The following EPHA4 variants were observed in gnomAD, a reference collection of about 807,000 sequenced individuals.
EPHA4 encodes the protein ephrin type-A receptor 4.
A neutral mutation model predicts 108.3 loss-of-function variants in EPHA4; 19 were observed. The observed-to-expected ratio is 0.18, with a 90% CI of 0.12 to 0.26. The LOEUF (loss-of-function observed/expected upper bound fraction) is 0.26, where lower values mean the gene tolerates loss of function less well. EPHA4 is among the 10% of genes least tolerant of loss of function. The pLI is 1.00. For missense variants in EPHA4, 917 were observed against 1,254.0 expected (o/e 0.73, Z 4.06); for synonymous variants, 449 against 455.5 (o/e 0.99, Z 0.18).
intron 4 of EPHA4, among the ~76,000 whole-genome samples, chr2:221,489,572 T>C (rs774262728): frequency 1.3e-5 from 2 of 152,114 alleles, no homozygotes; most frequent in Non-Finnish European, 2.9e-5. Flanking sequence ...AATCCTCCCT[T>C]TCCCTGTCCC....
At chr2:221,495,732 G>A (rs191042552) in intron 4 of EPHA4, among the ~76,000 whole-genome samples, 5 of 152,254 alleles carry the variant, frequency 3.3e-5, no homozygotes, top group Admixed American at 3.3e-4. Flanking sequence ...TTCCTAGGCA[G>A]TTTCCTTCTA....
At position 221,434,181 on chromosome 2, in the gene EPHA4, C is replaced by T. The variant is rs542900826; in HGVS notation, c.2457G>A (p.Ser819=). The change falls in exon 14 of 18, where the codon TCG becomes TCA. Residue 819 remains serine (S), a synonymous_variant. Coordinates refer to ENST00000281821, the MANE Select transcript of EPHA4 (RefSeq NM_004438.5). ...SYGIVMWEVM[S]YGERPYWDMS... is the part of the protein sequence containing the mutation. The stretch of plus-strand genomic sequence containing the variant: ...TATCCCAATAGGGCCTCTCCCCGTA[C>T]GACATCACTTCCCACATAACGATTC... The T allele has an allele frequency of 3.3e-5, 53 of 1,613,936 alleles. No homozygotes were observed. The highest frequency in any genetic ancestry group is 2.9e-4 in the East Asian group (13 of 44,884).
Position 221,555,752 on chromosome 2 carries a change from C to A in EPHA4, c.823+7979G>T, listed in dbSNP as rs994454724. Among the ~76,000 whole-genome samples, 26 of 152,162 alleles carry A rather than the reference C, an allele frequency of 1.7e-4. 3 individuals carry two copies. The highest frequency in any genetic ancestry group is 1.6e-3 in the Admixed American group (25 of 15,284). On this transcript the variant is annotated intron_variant, in intron 3 of 17. Transcript: ENST00000281821. Reference sequence around the variant, plus strand: ...GGCCTTCTTTAATCATTCCTTCTCACGAGCACAGTAAAACTAAAGGGAGCA... The same window carrying A: ...GGCCTTCTTTAATCATTCCTTCTCAAGAGCACAGTAAAACTAAAGGGAGCA...
At chr2:221,478,912 C>T (rs1254448538) in intron 5 of EPHA4, among the ~76,000 whole-genome samples, 1 of 152,220 alleles carries the variant, frequency 6.6e-6, no homozygotes, top group East Asian at 1.9e-4. Flanking sequence ...AGCTGACAGA[C>T]ATTCAGATTT....
chr2:221,561,455 C>T (rs1008809893), intron 3 of EPHA4, among the ~76,000 whole-genome samples: 1 of 151,874 alleles, frequency 6.6e-6, no homozygotes, highest in Non-Finnish European at 1.5e-5. Context: ...AAACAAAAAA[C>T]AAAAACAAAC....
rs567238256 is a variant in EPHA4, at chr2:221,421,172, C to T, written c.*820-620G>A. Among the ~76,000 whole-genome samples, 10 of 152,188 alleles carry T rather than the reference C, an allele frequency of 6.6e-5. No individual in the cohort carries two copies. The South Asian group carries it at 1.9e-3, about 28-fold the overall frequency. ...ATTAGCCAGGCGTGGTGGCGGGCGC[C>T]TGTAGTCCCGGCTACTCGGGAGGCT... On this transcript the variant is annotated intron_variant, in intron 17 of 17. Transcript: ENST00000281821.
chr2:221,567,747 C>T (rs1694716325), intron 2 of EPHA4, among the ~76,000 whole-genome samples: 1 of 152,174 alleles, frequency 6.6e-6, no homozygotes, highest in Non-Finnish European at 1.5e-5. Context: ...ATTCTTTATT[C>T]AATGGACCGG....
At chr2:221,519,127 A>T (rs1361443548) in intron 3 of EPHA4, among the ~76,000 whole-genome samples, 1 of 152,156 alleles carries the variant, frequency 6.6e-6, no homozygotes, top group African/African-American at 2.4e-5. Flanking sequence ...TCCCACATAC[A>T]ATTCACTTGG....
chr2:221,432,029 T>C (rs1690091434), intron 14 of EPHA4, among the ~76,000 whole-genome samples: 1 of 152,052 alleles, frequency 6.6e-6, no homozygotes, highest in Admixed American at 6.5e-5. Context: ...AATAGATCAA[T>C]ATTATTTGTG....
intron 5 of EPHA4, among the ~76,000 whole-genome samples, chr2:221,462,181 T>C (rs1289471382): frequency 2.6e-5 from 4 of 152,026 alleles, no homozygotes; most frequent in African/African-American, 9.7e-5. Context: ...CTGGTCATGC[T>C]AGTTGACAGT....
chr2:221,517,118 G>C (rs1693012892), intron 3 of EPHA4, among the ~76,000 whole-genome samples: 1 of 152,170 alleles, frequency 6.6e-6, no homozygotes, highest in Non-Finnish European at 1.5e-5. Flanking sequence ...GGCAGGGATA[G>C]AACTGTACAG....
chr2:221,477,598 C>T (rs1351531690), intron 5 of EPHA4, among the ~76,000 whole-genome samples: 3 of 152,118 alleles, frequency 2.0e-5, no homozygotes, highest in Admixed American at 6.5e-5. Context: ...TGTTCACTAT[C>T]TTACTGTTTT....
At chr2:221,564,496 A>C (rs976602783) in intron 2 of EPHA4, 102 bp from the exon 3 acceptor site, 1 of 1,199,978 alleles carries the variant, frequency 8.3e-7, no homozygotes, top group East Asian at 2.4e-5. Context: ...TTTTTCTTTC[A>C]ATAATGAAGC....
In EPHA4 at chr2:221,455,534, C is replaced by T. The variant is rs765153728; in HGVS notation, c.1715+13G>A. ...AGGTCGGGGGCTGCACAGTGAGTGG[C>T]TTCAGTGCTTACCTCCGGCTGATGA... On this transcript the variant is annotated intron_variant, in intron 8 of 17. Transcript: ENST00000281821. 2.5e-6 allele frequency: 4 copies of T among 1,597,080 alleles called. No individual in the cohort carries two copies. Among genetic ancestry groups the T allele is most frequent in the Admixed American group, 3.3e-5 (2 of 59,974 alleles).
chr2:221,533,239 G>T (rs1452403278), intron 3 of EPHA4, among the ~76,000 whole-genome samples: 1 of 152,120 alleles, frequency 6.6e-6, no homozygotes, highest in Non-Finnish European at 1.5e-5. Context: ...CAGCCCCATA[G>T]CTCCAAAAAC....
chr2:221,518,540 T>TA lies in EPHA4; in HGVS notation c.824-17369dup, dbSNP rs1269616077. Among the ~76,000 whole-genome samples the TA allele has an allele frequency of 4.6e-5, 7 of 152,332 alleles. No homozygotes were observed. In the East Asian group the frequency reaches 1.4e-3, roughly 29 times the overall value. ...GGCTACTCACCACAAATATGTAGACTAAGTATACGAATGAATGAATGAATG... is the reference window on the plus strand; with the variant it reads ...GGCTACTCACCACAAATATGTAGACTAAAGTATACGAATGAATGAATGAATG... On this transcript the variant is annotated intron_variant, in intron 3 of 17. Transcript: ENST00000281821.
At chr2:221,573,275 C>T (rs368858147), upstream of EPHA4, 4 of 152,334 alleles carry the variant, frequency 2.6e-5, no homozygotes, top group African/African-American at 9.6e-5. The surrounding 1 kb of genome is among the most constrained non-coding windows in gnomAD (Gnocchi z 4.5). Flanking sequence ...TGCGACTCTC[C>T]GCTCCGACCT....
chr2:221,448,598 A>G (rs543224133), intron 8 of EPHA4, among the ~76,000 whole-genome samples: 1 of 152,294 alleles, frequency 6.6e-6, no homozygotes, highest in East Asian at 1.9e-4. Context: ...GTGTTAGGTC[A>G]GGGACTACTA....
intron 3 of EPHA4, among the ~76,000 whole-genome samples, chr2:221,539,474 C>T (rs1320618546): frequency 2.0e-5 from 3 of 152,134 alleles, no homozygotes; most frequent in Admixed American, 1.3e-4. Context: ...AAAAATGATG[C>T]TTCTGTAGAA....
Sources: gnomAD v4.1 joint callset for allele counts (sites outside exome capture counted in the v4.1 genomes callset) on GRCh38, gnomAD v4.1.1 for gene constraint, Gnocchi (gnomAD v3.1) non-coding constraint, MANE v1.5 for transcripts, NCBI Gene and HGNC (gene_info 2026-07-23, HGNC 2026-07-21) for gene names.